RIT2: variants seen among roughly 807,000 people sequenced by gnomAD.
RIT2 encodes Ras like without CAAX 2.
In RIT2, 24 loss-of-function variants were observed where a neutral mutation model predicts 23.7. That is an observed-to-expected ratio of 1.01 (90% CI 0.73 to 1.43). The LOEUF is 1.43. RIT2 is among the 40% of genes most tolerant of loss of function. The pLI, the probability that RIT2 is intolerant of heterozygous loss-of-function variation, is 0.00. For synonymous variants in RIT2, 107 were observed against 91.1 expected (o/e 1.17, Z -0.99); for missense variants, 236 against 266.9 (o/e 0.88, Z 0.81).
At chr18:42,855,687 A>C (rs1238714398) in intron 4 of RIT2, among the ~76,000 whole-genome samples, 1 of 152,176 alleles carries the variant, frequency 6.6e-6, no homozygotes, top group Non-Finnish European at 1.5e-5. Context: ...AAAAGTTCAC[A>C]AAGTCTAGTC....
chr18:42,855,549 C>T (rs1053491167), intron 4 of RIT2, among the ~76,000 whole-genome samples: 2 of 152,128 alleles, frequency 1.3e-5, no homozygotes, highest in African/African-American at 2.4e-5. Context: ...CTTGACCCAA[C>T]CTGTAAGTAG....
chr18:42,996,405 G>A (rs1409356447), intron 2 of RIT2, among the ~76,000 whole-genome samples: 1 of 151,988 alleles, frequency 6.6e-6, no homozygotes, highest in African/African-American at 2.4e-5. Flanking sequence ...GGAATGTCAG[G>A]TTTCTGAGTC....
At chr18:43,060,953 C>G (rs1292771346) in intron 1 of RIT2, among the ~76,000 whole-genome samples, 1 of 152,054 alleles carries the variant, frequency 6.6e-6, no homozygotes, top group African/African-American at 2.4e-5. Context: ...CTAATAGCAA[C>G]TAAATAATTG....
At chr18:42,848,623 A>G (rs753774912) in intron 4 of RIT2, among the ~76,000 whole-genome samples, 12 of 152,230 alleles carry the variant, frequency 7.9e-5, no homozygotes, top group Non-Finnish European at 1.2e-4. Context: ...TACCATACGT[A>G]CTATGAACTA....
chr18:42,940,395 T>A (rs993595190), intron 3 of RIT2, among the ~76,000 whole-genome samples: 4 of 149,522 alleles, frequency 2.7e-5, no homozygotes, highest in Non-Finnish European at 5.9e-5. Context: ...TATATATAAT[T>A]TGTATATATA....
At chr18:43,060,840 A>G (rs1178517159) in intron 1 of RIT2, among the ~76,000 whole-genome samples, 1 of 152,148 alleles carries the variant, frequency 6.6e-6, no homozygotes, top group Admixed American at 6.6e-5. Context: ...TGCATGTAAA[A>G]TCAGGTATTT....
chr18:42,952,631 A>G (rs2144174897), intron 3 of RIT2, among the ~76,000 whole-genome samples: 1 of 152,248 alleles, frequency 6.6e-6, no homozygotes, highest in African/African-American at 2.4e-5. Flanking sequence ...TCACAGATGT[A>G]TACTGTACAG....
chr18:42,752,459 C>T (rs1456570500), intron 4 of RIT2, among the ~76,000 whole-genome samples: 1 of 152,074 alleles, frequency 6.6e-6, no homozygotes, highest in Non-Finnish European at 1.5e-5. Context: ...CTTTCAGGCT[C>T]AGAAAGGTTA....
chr18:42,878,640 CCTCT>C (rs771952881), intron 4 of RIT2, among the ~76,000 whole-genome samples: 20 of 150,186 alleles, frequency 1.3e-4, no homozygotes, highest in Admixed American at 3.3e-4. Flanking sequence ...CAATTTCCTG[CCTCT>C]CTCTCCACCT....
chr18:42,825,520 T>C (rs1906271026), intron 4 of RIT2, among the ~76,000 whole-genome samples: 1 of 151,888 alleles, frequency 6.6e-6, no homozygotes. Context: ...AAAACATATT[T>C]GATTAAAAAA....
chr18:42,855,945 G>A (rs543311498), intron 4 of RIT2, among the ~76,000 whole-genome samples: 2 of 152,080 alleles, frequency 1.3e-5, no homozygotes, highest in African/African-American at 4.8e-5. Flanking sequence ...TGTCTTTATT[G>A]AGAGTGATGT....
At chr18:42,783,609 G>A (rs2143935918) in intron 4 of RIT2, among the ~76,000 whole-genome samples, 1 of 152,116 alleles carries the variant, frequency 6.6e-6, no homozygotes, top group Admixed American at 6.6e-5. Context: ...GGGGCACACA[G>A]CCTAGGTGAG....
intron 1 of RIT2, among the ~76,000 whole-genome samples, chr18:43,068,824 T>A (rs886528313): frequency 2.4e-4 from 37 of 152,136 alleles, no homozygotes; most frequent in Non-Finnish European, 4.4e-4. Context: ...AGGCTTCAAT[T>A]TGTGTTGGCA....
intron 4 of RIT2, among the ~76,000 whole-genome samples, chr18:42,814,014 T>C (rs970912008): frequency 2.6e-5 from 4 of 151,878 alleles, no homozygotes; most frequent in Non-Finnish European, 5.9e-5. Flanking sequence ...GCTGAGTCAA[T>C]TGAGAGAGCT....
rs1913502586 is a variant in RIT2, at chr18:42,769,647, T to C, written c.427-25927A>G. Reference sequence around the variant, plus strand: ...CCAGAAATTGGTGAGCAGGGTACTATCACTTTCTCTTTCCATCTCATAGGA... The same window carrying C: ...CCAGAAATTGGTGAGCAGGGTACTACCACTTTCTCTTTCCATCTCATAGGA... On this transcript the variant is annotated intron_variant, in intron 4 of 4. Transcript: ENST00000326695. Among the ~76,000 whole-genome samples, 3 of 151,964 alleles carry C rather than the reference T, an allele frequency of 2.0e-5. No homozygotes were observed. In the South Asian group the frequency reaches 6.2e-4, roughly 31 times the overall value.
chr18:43,090,481 C>T (rs571989882), intron 1 of RIT2, among the ~76,000 whole-genome samples: 1 of 152,100 alleles, frequency 6.6e-6, no homozygotes, highest in South Asian at 2.1e-4. Context: ...AAGACCTAAA[C>T]ATAAGAACAC....
chr18:42,838,345 T>C (rs1351620412), intron 4 of RIT2, among the ~76,000 whole-genome samples: 1 of 152,186 alleles, frequency 6.6e-6, no homozygotes, highest in Non-Finnish European at 1.5e-5. Context: ...GCATATCATT[T>C]TTGGTTAAAA....
At chr18:42,946,031 G>T (rs188982699) in intron 3 of RIT2, among the ~76,000 whole-genome samples, 2 of 152,030 alleles carry the variant, frequency 1.3e-5, no homozygotes, top group East Asian at 1.9e-4. Context: ...AATTTTAAAC[G>T]CTGTGAATAC....
intron 4 of RIT2, among the ~76,000 whole-genome samples, chr18:42,894,196 A>G (rs568633623): frequency 6.6e-6 from 1 of 152,318 alleles, no homozygotes; most frequent in African/African-American, 2.4e-5. Context: ...ATGTTGGCAT[A>G]GTCAATGCAG....
Sources: allele counts gnomAD v4.1 joint callset (sites outside exome capture counted in the v4.1 genomes callset), GRCh38; gene constraint gnomAD v4.1.1; transcripts MANE v1.5; gene names NCBI Gene and HGNC (gene_info 2026-07-23, HGNC 2026-07-21).